The following DARS2 variants were observed in gnomAD, a reference collection of about 807,000 sequenced individuals.
DARS2 encodes aspartate--tRNA ligase, mitochondrial.
In DARS2, 63 loss-of-function variants were observed where a neutral mutation model predicts 83.0. The observed-to-expected ratio is 0.76, with a 90% CI of 0.62 to 0.94. DARS2 has a LOEUF of 0.94. Ranked by LOEUF, DARS2 falls within the 40% of genes least tolerant of loss-of-function variation. The pLI, the probability that DARS2 is intolerant of heterozygous loss-of-function variation, is 0.00. For synonymous variants in DARS2, 250 were observed against 269.3 expected, an observed-to-expected ratio of 0.93 and a Z score of 0.70; for missense variants, 675 against 774.4, an observed-to-expected ratio of 0.87 and a Z score of 1.52.
At chr1:173,838,712 C>T (rs1653097711) in intron 9 of DARS2, among the ~76,000 whole-genome samples, 1 of 151,868 alleles carries the variant, frequency 6.6e-6, no homozygotes, top group Non-Finnish European at 1.5e-5. Context: ...TGTATGATAG[C>T]ATTTTATTTT....
rs1653174411 is a variant in DARS2 at position 173,840,793 on chromosome 1, T to C, written c.1021-73T>C. ...TCAAGATCTATTCTCTTCTTTAAAATCTTGTTTGTAAAATGTTTTCAGATA... is the reference window on the plus strand; with the variant it reads ...TCAAGATCTATTCTCTTCTTTAAAACCTTGTTTGTAAAATGTTTTCAGATA... On this transcript the variant is annotated intron_variant, in intron 10 of 16. Coordinates refer to ENST00000649689, the MANE Select transcript of DARS2 (RefSeq NM_018122.5). 9.5e-6 allele frequency: 8 copies of C among 841,620 alleles called. No homozygotes were observed. In the South Asian group the frequency reaches 1.1e-4, roughly 12 times the overall value. 52.1% of individuals were successfully genotyped at this position (841,620 alleles called of 1,614,324 possible).
intron 2 of DARS2, among the ~76,000 whole-genome samples, chr1:173,827,701 C>T (rs776803437): frequency 6.6e-6 from 1 of 152,014 alleles, no homozygotes; most frequent in Non-Finnish European, 1.5e-5. Flanking sequence ...GTTTCCTGAA[C>T]CCAAATCTGA....
intron 3 of DARS2, 26 bp from the exon 4 acceptor site, chr1:173,830,634 G>A: frequency 6.4e-7 from 1 of 1,572,820 alleles, no homozygotes; most frequent in Non-Finnish European, 8.8e-7. Flanking sequence ...TTGTTTCTCA[G>A]AACTCTTTTC....
intron 7 of DARS2, among the ~76,000 whole-genome samples, chr1:173,834,781 T>G (rs1358323196): frequency 3.0e-5 from 3 of 99,082 alleles, no homozygotes; most frequent in African/African-American, 9.6e-5. Context: ...TTTTTTTTTT[T>G]GTTTTTTTTT....
intron 16 of DARS2, among the ~76,000 whole-genome samples, chr1:173,857,227 AATAC>A (rs1653887588): frequency 6.6e-6 from 1 of 152,318 alleles, no homozygotes; most frequent in Admixed American, 6.5e-5. Context: ...CCAAGCACCA[AATAC>A]ACTGTTGAAT....
chr1:173,835,762 A>T (rs1652980538), intron 7 of DARS2, among the ~76,000 whole-genome samples: 1 of 151,686 alleles, frequency 6.6e-6, no homozygotes, highest in Non-Finnish European at 1.5e-5. Flanking sequence ...TACTAAAAGT[A>T]CAAAAATTAG....
rs557695965 is a variant in DARS2, at chr1:173,857,995, T to A, written c.*290T>A. 2.5e-6 allele frequency: 1 copy of A among 404,434 alleles called. No individual in the cohort carries two copies. Among genetic ancestry groups the A allele is most frequent in the Admixed American group, 3.6e-5 (1 of 27,412 alleles). 25.1% of individuals were successfully genotyped at this position (404,434 alleles called of 1,614,324 possible). ...GAAATAATATAGTGGTTTAGTGTTT[T>A]CAAATCATGTTTCTCATACCCAGAT... On this transcript the variant is annotated 3_prime_UTR_variant, in exon 17 of 17. Transcript: ENST00000649689.
intron 12 of DARS2, among the ~76,000 whole-genome samples, chr1:173,847,576 G>A (rs1295147854): frequency 1.3e-5 from 2 of 152,040 alleles, no homozygotes; most frequent in South Asian, 2.1e-4. Context: ...AAGATCTTAT[G>A]TGTTTTTAGC....
At chr1:173,839,820 G>A (rs1170619394) in intron 10 of DARS2, among the ~76,000 whole-genome samples, 1 of 151,574 alleles carries the variant, frequency 6.6e-6, no homozygotes, top group Non-Finnish European at 1.5e-5. Flanking sequence ...GGATATGAAT[G>A]GTAACTTGAA....
chr1:173,856,198 T>C (rs1256607457), intron 15 of DARS2, among the ~76,000 whole-genome samples: 2 of 152,230 alleles, frequency 1.3e-5, no homozygotes, highest in African/African-American at 4.8e-5. Flanking sequence ...TCAACATTTC[T>C]ACATGTACTG....
chr1:173,828,385 A>G lies in DARS2; in HGVS notation c.280A>G (p.Ile94Val). 6.3e-7 allele frequency: 1 copy of G among 1,598,414 alleles called. No individual in the cohort carries two copies. Among genetic ancestry groups the G allele is most frequent in the Non-Finnish European group, 8.5e-7 (1 of 1,170,890 alleles). ...RDFDGLVQVI[I>V]PQDESAASVK... ...TTTCGATGGGCTTGTTCAAGTTATC[A>G]TTCCCCAGGATGAGGTAATAGAAAA... The change falls in exon 3 of 17, where the codon ATT becomes GTT. Residue 94 changes from isoleucine (I) to valine (V), a missense_variant. Physicochemically the swap from Ile to Val is conservative, Grantham distance 29. Transcript: ENST00000649689.
At chr1:173,845,578 C>T (rs934664213) in intron 12 of DARS2, among the ~76,000 whole-genome samples, 2 of 152,196 alleles carry the variant, frequency 1.3e-5, no homozygotes, top group Admixed American at 1.3e-4. Context: ...ACTACAGGCT[C>T]AGGCCACCAT....
At chr1:173,853,081 A>G (rs190768707) in intron 13 of DARS2, among the ~76,000 whole-genome samples, 1 of 152,306 alleles carries the variant, frequency 6.6e-6, no homozygotes, top group Admixed American at 6.5e-5. Context: ...ACTGAGATTC[A>G]GACCCAGGTC....
intron 11 of DARS2, 92 bp downstream of exon 11, chr1:173,841,065 A>G: frequency 1.2e-6 from 1 of 868,006 alleles, no homozygotes; most frequent in Non-Finnish European, 2.0e-6. Flanking sequence ...AGAAAGAACA[A>G]TTCTTTTTAA....
chr1:173,835,289 G>A (rs1275748405), intron 7 of DARS2, among the ~76,000 whole-genome samples: 2 of 150,402 alleles, frequency 1.3e-5, no homozygotes, highest in Non-Finnish European at 3.0e-5. Context: ...ACGGGGTTTC[G>A]CATGTTGGCC....
intron 2 of DARS2, among the ~76,000 whole-genome samples, 177 bp from the exon 3 acceptor site, chr1:173,828,156 G>A (rs1431350445): frequency 6.6e-6 from 1 of 152,022 alleles, no homozygotes; most frequent in African/African-American, 2.4e-5. Flanking sequence ...ACAATTGCAT[G>A]AATGTAACTA....
intron 3 of DARS2, among the ~76,000 whole-genome samples, 163 bp downstream of exon 3, chr1:173,828,562 G>A (rs1350353824): frequency 2.6e-5 from 4 of 152,096 alleles, no homozygotes; most frequent in Non-Finnish European, 4.4e-5. Context: ...AAAGACCAGT[G>A]ACCCAGTAGA....
At chr1:173,833,323 A>G in intron 5 of DARS2, 53 bp from the exon 6 acceptor site, 3 of 1,474,304 alleles carry the variant, frequency 2.0e-6, no homozygotes, top group Non-Finnish European at 2.7e-6. Context: ...TAAAGATAAT[A>G]CCTTTCTAAT....
At chr1:173,837,578 T>C (rs1046401086) in intron 8 of DARS2, among the ~76,000 whole-genome samples, 3 of 152,108 alleles carry the variant, frequency 2.0e-5, no homozygotes, top group Non-Finnish European at 4.4e-5. Flanking sequence ...CAAAAGAGTA[T>C]ATATGAAGAA....
Sources: gnomAD v4.1 joint callset for allele counts (sites outside exome capture counted in the v4.1 genomes callset) on GRCh38, gnomAD v4.1.1 for gene constraint, MANE v1.5 for transcripts, NCBI Gene and HGNC (gene_info 2026-07-23, HGNC 2026-07-21) for gene names.